PSG11: variants seen among roughly 807,000 people sequenced by gnomAD.
The protein encoded by PSG11 is pregnancy-specific beta-1-glycoprotein 11.
PSG11 carries 42 observed loss-of-function variants against 36.0 expected under a neutral mutation model. That is an observed-to-expected ratio of 1.17 (90% CI 0.91 to 1.51). The LOEUF is 1.51. Ranked by LOEUF, PSG11 falls within the 40% of genes most tolerant of loss-of-function variation. PSG11 has a pLI of 0.00. For synonymous variants in PSG11, 206 were observed against 153.5 expected (o/e 1.34, Z -2.53); for missense variants, 558 against 403.5 (o/e 1.38, Z -3.28).
At position 43,016,696 on chromosome 19, in the gene PSG11, G is replaced by A. The variant is rs528331186; in HGVS notation, c.710-1326C>T. Among the ~76,000 whole-genome samples, 25 of 151,606 alleles carry A rather than the reference G, an allele frequency of 1.6e-4. 2 individuals carry two copies. The highest frequency in any genetic ancestry group is 3.9e-4 in the Admixed American group (6 of 15,198). ...TGAACCAGTGACCTCTAAAGATAGAGCAGAGCGCAAGGAATGATCTAGGAA... is the reference window on the plus strand; with the variant it reads ...TGAACCAGTGACCTCTAAAGATAGAACAGAGCGCAAGGAATGATCTAGGAA... On this transcript the variant is annotated intron_variant, in intron 3 of 5. Transcript: ENST00000320078.
At chr19:43,012,228 T>C (rs1219938562) in intron 4 of PSG11, among the ~76,000 whole-genome samples, 1 of 151,432 alleles carries the variant, frequency 6.6e-6, no homozygotes, top group Non-Finnish European at 1.5e-5. Context: ...TTCCCCTCTA[T>C]GAGCAGGAAC....
chr19:43,009,969 C>G lies in PSG11; in HGVS notation c.*29G>C, dbSNP rs781354119. On this transcript the variant is annotated 3_prime_UTR_variant, in exon 5 of 6. Transcript: ENST00000320078. Reference sequence around the variant, plus strand: ...AAAGGTCATCATACCTGCCAGTCTTCCTGAAATACAAAAATGACATCACGG... The same window carrying G: ...AAAGGTCATCATACCTGCCAGTCTTGCTGAAATACAAAAATGACATCACGG... The G allele has an allele frequency of 6.3e-7, 1 of 1,594,786 alleles. No individual in the cohort carries two copies. The highest frequency in any genetic ancestry group is 1.4e-5 in the African/African-American group (1 of 73,816).
chr19:43,011,724 A>G (rs1292821135), intron 4 of PSG11, among the ~76,000 whole-genome samples: 1 of 150,792 alleles, frequency 6.6e-6, no homozygotes, highest in African/African-American at 2.5e-5. Context: ...TGTCTCTACA[A>G]AAAAATTAAA....
chr19:43,021,821 G>A (rs1172295518), intron 2 of PSG11, among the ~76,000 whole-genome samples: 7 of 151,390 alleles, frequency 4.6e-5, no homozygotes, highest in Non-Finnish European at 1.0e-4. Flanking sequence ...AGTCATGAGT[G>A]AAACAGGTGA....
In PSG11 at chr19:43,007,912, T is replaced by G; in HGVS notation, c.*171A>C. ...CAATGAAATGGAGTTCTTTTCTTCT[T>G]TGTCTTGAATTTCATGAAGGTATCA... is the stretch of plus-strand genomic sequence containing the variant. On this transcript the variant is annotated 3_prime_UTR_variant, in exon 6 of 6. Transcript: ENST00000320078. 2.6e-6 allele frequency: 1 copy of G among 390,018 alleles called. No homozygotes were observed. Among genetic ancestry groups the G allele is most frequent in the Middle Eastern group, 3.4e-4 (1 of 2,964 alleles). 24.2% of individuals were successfully genotyped at this position (390,018 alleles called of 1,614,324 possible).
intron 4 of PSG11, chr19:43,010,477 T>C (rs1445105428): frequency 1.8e-6 from 2 of 1,128,418 alleles, no homozygotes; most frequent in East Asian, 2.8e-5. Flanking sequence ...ACCACCTCCT[T>C]TGCACAGAAA....
intron 4 of PSG11, chr19:43,014,349 C>T: frequency 3.3e-6 from 3 of 921,768 alleles, no homozygotes; most frequent in Non-Finnish European, 3.9e-6. Flanking sequence ...GTGAATCTTC[C>T]TATTTCTCCA....
chr19:43,023,231 G>A (rs1210610566), intron 2 of PSG11, among the ~76,000 whole-genome samples: 1 of 150,370 alleles, frequency 6.7e-6, no homozygotes, highest in African/African-American at 2.5e-5. Flanking sequence ...GGACAGGTGT[G>A]GCTAGAACCT....
chr19:43,014,733 G>T, intron 4 of PSG11: 1 of 1,207,824 alleles, frequency 8.3e-7, no homozygotes. Context: ...AGCCTCAGAT[G>T]TTCCTTGTAG....
rs191490845 is a variant in PSG11 at position 43,025,350 on chromosome 19, T to C, written c.65-294A>G. On this transcript the variant is annotated intron_variant, in intron 1 of 5. Coordinates refer to ENST00000320078, the MANE Select transcript of PSG11 (RefSeq NM_002785.3). Reference sequence around the variant, plus strand: ...GAATCCTCTTCCCCAGGGGTCCGCATGGCCCCCTCCACACTGCCCTCAGGT... The same window carrying C: ...GAATCCTCTTCCCCAGGGGTCCGCACGGCCCCCTCCACACTGCCCTCAGGT... The C allele has an allele frequency of 4.9e-4, 213 of 435,656 alleles. 4 individuals carry two copies. Among genetic ancestry groups the C allele is most frequent in the Middle Eastern group, 1.3e-3 (2 of 1,524 alleles). 27.0% of individuals were successfully genotyped at this position (435,656 alleles called of 1,614,324 possible).
chr19:43,024,726 C>G lies in PSG11; in HGVS notation c.395G>C (p.Arg132Thr). ...LHIIKRGDGT[R>T]GVTGYFTFTL... ...GAAGGTGAAATATCCAGTTACTCCT[C>G]TAGTCCCATCACCTCGCTTTATGAT... The change falls in exon 2 of 6, where the codon AGA becomes ACA. Residue 132 changes from arginine (R) to threonine (T), a missense_variant. Arg to Thr is a moderately conservative substitution (Grantham distance 71). Coordinates refer to ENST00000320078, the MANE Select transcript of PSG11 (RefSeq NM_002785.3). 1 of 1,611,488 alleles carries G rather than the reference C, an allele frequency of 6.2e-7. No individual in the cohort carries two copies. The highest frequency in any genetic ancestry group is 2.2e-5 in the East Asian group (1 of 44,798).
Position 43,013,601 on chromosome 19 carries a change from C to A in PSG11, c.964+1515G>T, listed in dbSNP as rs554479173. ...TTAGGATGGTTTTGATAAACAATAA[C>A]AATGACAGCAACACAAAACAACAGG... On this transcript the variant is annotated intron_variant, in intron 4 of 5. Transcript: ENST00000320078. Among the ~76,000 whole-genome samples the A allele has an allele frequency of 1.5e-3, 220 of 151,400 alleles. 4 individuals carry two copies. The highest frequency in any genetic ancestry group is 5.0e-3 in the African/African-American group (204 of 41,106).
rs9789252 is a variant in PSG11 at position 43,018,759 on chromosome 19, A to T, written c.709+11T>A. ...GGCAGCCTGGCTCACAGAGGAACAG[A>T]AGATACTCACGGAGGAGATTCAGGG... On this transcript the variant is annotated intron_variant, in intron 3 of 5. Transcript: ENST00000320078. 1 of 1,611,410 alleles carries T rather than the reference A, an allele frequency of 6.2e-7. No individual in the cohort carries two copies. Among genetic ancestry groups the T allele is most frequent in the Non-Finnish European group, 8.5e-7 (1 of 1,178,846 alleles).
intron 2 of PSG11, among the ~76,000 whole-genome samples, chr19:43,020,670 A>T (rs1449461071): frequency 2.0e-5 from 3 of 151,416 alleles, no homozygotes; most frequent in South Asian, 2.1e-4. Context: ...AAGATGCCAA[A>T]GGTGATTTGA....
chr19:43,010,201 G>GT (rs967154396), intron 4 of PSG11, 160 bp from the exon 5 acceptor site: 42 of 1,449,700 alleles, frequency 2.9e-5, no homozygotes, highest in African/African-American at 4.3e-5. Context: ...TATTCTTGCA[G>GT]TTTTTTTTCC....
chr19:43,018,631 G>C, intron 3 of PSG11, 139 bp downstream of exon 3: 1 of 1,575,358 alleles, frequency 6.3e-7, no homozygotes, highest in Non-Finnish European at 8.7e-7. Flanking sequence ...GTTTGTCTGG[G>C]GCAGAAAGTC....
At chr19:43,014,337 G>A (rs1352479222) in intron 4 of PSG11, 1 of 908,356 alleles carries the variant, frequency 1.1e-6, no homozygotes, top group Non-Finnish European at 1.3e-6. Context: ...AGAGCCCCAG[G>A]GGTGAATCTT....
chr19:43,011,761 T>A (rs1974081998), intron 4 of PSG11, among the ~76,000 whole-genome samples: 1 of 150,938 alleles, frequency 6.6e-6, no homozygotes, highest in Admixed American at 6.6e-5. Context: ...CATGGTGACA[T>A]GCACCTGTAG....
intron 5 of PSG11, among the ~76,000 whole-genome samples, chr19:43,009,677 A>C (rs1974023172): frequency 6.6e-6 from 1 of 151,410 alleles, no homozygotes; most frequent in African/African-American, 2.4e-5. Flanking sequence ...GAGATATGTT[A>C]AAAATAATGA....
Sources: gnomAD v4.1 joint callset for allele counts (sites outside exome capture counted in the v4.1 genomes callset) on GRCh38, gnomAD v4.1.1 for gene constraint, MANE v1.5 for transcripts, NCBI Gene and HGNC (gene_info 2026-07-23, HGNC 2026-07-21) for gene names.